ARHGEF18: variants seen among roughly 807,000 people sequenced by gnomAD.
The protein encoded by ARHGEF18 is Rho/Rac guanine nucleotide exchange factor 18.
A neutral mutation model predicts 155.7 loss-of-function variants in ARHGEF18; 93 were observed. The observed-to-expected ratio is 0.60, with a 90% CI of 0.50 to 0.71. The LOEUF (loss-of-function observed/expected upper bound fraction) is 0.71, where lower values mean the gene tolerates loss of function less well. Ranked by LOEUF, ARHGEF18 falls within the 30% of genes least tolerant of loss-of-function variation. ARHGEF18 has a pLI of 0.00. For missense variants in ARHGEF18, 1,593 were observed against 1,816.1 expected (o/e 0.88, Z 2.23); for synonymous variants, 742 against 753.1 (o/e 0.99, Z 0.24).
At chr19:7,443,202 G>A (rs1049678149) in intron 13 of ARHGEF18, among the ~76,000 whole-genome samples, 6 of 151,418 alleles carry the variant, frequency 4.0e-5, no homozygotes, top group East Asian at 1.9e-4. Context: ...AATTACAGGC[G>A]CCCACTGCCA....
chr19:7,475,527 C>CACACAT (rs200682518), downstream of ARHGEF18, among the ~76,000 whole-genome samples: 1,530 of 149,498 alleles, frequency 0.01, 26 homozygotes, highest in African/African-American at 0.033. Flanking sequence ...ACTGTTTAAA[C>CACACAT]ACACACACAC....
At chr19:7,479,554 C>T in the ARHGEF18 span, among the ~76,000 whole-genome samples, 14 of 152,336 alleles carry the variant, frequency 9.2e-5, no homozygotes, top group South Asian at 2.1e-4. Flanking sequence ...GCTGATGCTC[C>T]GGCAGCCCTG....
At chr19:7,424,845 T>C (rs1450378707) in intron 10 of ARHGEF18, among the ~76,000 whole-genome samples, 1 of 151,704 alleles carries the variant, frequency 6.6e-6, no homozygotes, top group Non-Finnish European at 1.5e-5. Flanking sequence ...AATACAAAAA[T>C]TTGCCAGGCA....
rs781292482 is a variant in ARHGEF18, at chr19:7,440,498, C to T, written c.1106+16C>T. 2.5e-6 allele frequency: 4 copies of T among 1,584,540 alleles called. No homozygotes were observed. The highest frequency in any genetic ancestry group is 4.5e-5 in the East Asian group (2 of 44,664). ...CGCAACTCGGGTAAGCCAGGGTCCC[C>T]TCTGTGCCCTCGGGTGGGTGGTGGC... On this transcript the variant is annotated intron_variant, in intron 11 of 28. Coordinates refer to ENST00000668164, the MANE Select transcript of ARHGEF18 (RefSeq NM_001367823.1). The surrounding 1 kb of genome is among the most constrained non-coding windows in gnomAD (Gnocchi z 5.4).
chr19:7,455,524 G>A (rs925390349), intron 17 of ARHGEF18, among the ~76,000 whole-genome samples: 3 of 152,188 alleles, frequency 2.0e-5, no homozygotes, highest in East Asian at 1.9e-4. Flanking sequence ...GGGGGACTGA[G>A]GGGCACGAGG....
the ARHGEF18 span, among the ~76,000 whole-genome samples, chr19:7,479,209 C>T: frequency 1.3e-4 from 20 of 152,306 alleles, no homozygotes; most frequent in East Asian, 3.7e-3. Context: ...CTGGGCCAAG[C>T]GCGATGGCTC....
At chr19:7,366,685 T>C (rs928589890) in intron 2 of ARHGEF18, among the ~76,000 whole-genome samples, 22 of 152,240 alleles carry the variant, frequency 1.4e-4, no homozygotes, top group African/African-American at 5.3e-4. Flanking sequence ...CAGGGGAGAC[T>C]GTGTGATTCC....
Position 7,351,551 on chromosome 19 carries a change from C to T in ARHGEF18, c.-111+2310C>T, listed in dbSNP as rs951163091. On this transcript the variant is annotated intron_variant, in intron 1 of 28. Coordinates refer to ENST00000668164, the MANE Select transcript of ARHGEF18 (RefSeq NM_001367823.1). ...TGTTAGCCAGGATGGTCTTGATCTC[C>T]TGACCTTGTGATCCCCCCACCTCAG... Among the ~76,000 whole-genome samples, 12 of 151,452 alleles carry T rather than the reference C, an allele frequency of 7.9e-5. No homozygotes were observed. In the East Asian group the frequency reaches 2.4e-3, roughly 30 times the overall value.
chr19:7,441,988 C>G lies in ARHGEF18; in HGVS notation c.1296C>G (p.Ala432=), dbSNP rs370517063. The G allele has an allele frequency of 2.5e-6, 4 of 1,614,052 alleles. No individual in the cohort carries two copies. Among genetic ancestry groups the G allele is most frequent in the East Asian group, 4.5e-5 (2 of 44,858 alleles). Residue 432 remains alanine, a synonymous_variant, in exon 13 of 29, where the codon GCC becomes GCG. Transcript: ENST00000668164. ...HEFEAESWSL[A]VDAAYAKKQK... ...TTGAAGCTGAGTCCTGGAGCCTCGC[C>G]GTGGATGCAGCCTACGCCAAGAAGC...
chr19:7,382,736 G>A, intron 8 of ARHGEF18, 56 bp from the exon 9 acceptor site: 1 of 1,195,490 alleles, frequency 8.4e-7, no homozygotes, highest in Non-Finnish European at 1.0e-6. Flanking sequence ...AACCCACAGG[G>A]CTGCCTCAGA....
At chr19:7,356,419 G>A (rs1468677195) in intron 1 of ARHGEF18, among the ~76,000 whole-genome samples, 3 of 151,610 alleles carry the variant, frequency 2.0e-5, no homozygotes, top group Non-Finnish European at 4.4e-5. Flanking sequence ...AATTACAGGT[G>A]CCCCCCACCA....
At chr19:7,367,978 A>AGG (rs1555699434) in intron 2 of ARHGEF18, among the ~76,000 whole-genome samples, 1 of 1,316 alleles carries the variant, frequency 7.6e-4, no homozygotes, top group East Asian at 0.031. Flanking sequence ...AAGGAAAGAA[A>AGG]GAGAGAGAGA....
intron 20 of ARHGEF18, among the ~76,000 whole-genome samples, chr19:7,460,762 C>T (rs777398086): frequency 2.6e-4 from 39 of 152,024 alleles, no homozygotes; most frequent in Non-Finnish European, 5.6e-4. Flanking sequence ...CCCTTCTTCC[C>T]TTTCACTGTC....
chr19:7,373,441 A>G (rs935024350), intron 3 of ARHGEF18, among the ~76,000 whole-genome samples: 15 of 150,326 alleles, frequency 1.0e-4, no homozygotes, highest in Admixed American at 2.0e-4. Flanking sequence ...ATCAGGCACT[A>G]GATTCTCTTG....
chr19:7,389,741 GC>G (rs917405325), intron 10 of ARHGEF18, among the ~76,000 whole-genome samples: 3 of 150,802 alleles, frequency 2.0e-5, no homozygotes, highest in African/African-American at 7.3e-5. Context: ...CGCCGTGTTG[GC>G]CAGGCTGGTC....
intron 17 of ARHGEF18, among the ~76,000 whole-genome samples, chr19:7,455,788 C>T (rs144678732): frequency 6.6e-6 from 1 of 152,274 alleles, no homozygotes; most frequent in African/African-American, 2.4e-5. Flanking sequence ...AGGAGCAAGT[C>T]AAGTCTTACA....
chr19:7,442,191 TTC>T (rs1218587772), intron 13 of ARHGEF18, 139 bp downstream of exon 13: 2 of 1,185,026 alleles, frequency 1.7e-6, no homozygotes, highest in Non-Finnish European at 2.4e-6. Flanking sequence ...CTTTCTTTCT[TTC>T]TCTCTTTCCT....
At chr19:7,416,733 G>C (rs560450125) in intron 10 of ARHGEF18, among the ~76,000 whole-genome samples, 22 of 151,266 alleles carry the variant, frequency 1.5e-4, no homozygotes, top group Admixed American at 4.6e-4. Context: ...CTCCCGAGTA[G>C]CTGGGACTAC....
rs1974876369 is a variant in ARHGEF18, at chr19:7,444,570, G to A, written c.1611+116G>A. On this transcript the variant is annotated intron_variant, in intron 14 of 28. Coordinates refer to ENST00000668164, the MANE Select transcript of ARHGEF18 (RefSeq NM_001367823.1). The surrounding 1 kb of genome is among the most constrained non-coding windows in gnomAD (Gnocchi z 4.7). ...GTGTCGCCCAGGCTGGAGTGCAGTG[G>A]TGCAGTCACAGCTCAATGCAGCCTC... The A allele has an allele frequency of 1.4e-6, 2 of 1,410,586 alleles. No homozygotes were observed. Among genetic ancestry groups the A allele is most frequent in the Admixed American group, 4.5e-5 (2 of 44,840 alleles). The allele number at this position is 1,410,586 out of a possible 1,614,324, so 87.4% of individuals were successfully genotyped here.
Sources: gnomAD v4.1 joint callset for allele counts (sites outside exome capture counted in the v4.1 genomes callset) on GRCh38, gnomAD v4.1.1 for gene constraint, Gnocchi (gnomAD v3.1) non-coding constraint, MANE v1.5 for transcripts, NCBI Gene and HGNC (gene_info 2026-07-23, HGNC 2026-07-21) for gene names.